The following SUDS3 variants were observed in gnomAD, a reference collection of about 807,000 sequenced individuals.
SUDS3 encodes the protein sin3 histone deacetylase corepressor complex component SDS3.
SUDS3 carries 23 observed loss-of-function variants against 53.5 expected under a neutral mutation model. The ratio of observed to expected loss-of-function variants is 0.43; its 90% CI spans 0.31 to 0.61. The LOEUF is 0.61. Ranked by LOEUF, SUDS3 falls within the 20% of genes least tolerant of loss-of-function variation. The pLI, the probability that SUDS3 is intolerant of heterozygous loss-of-function variation, is 0.10. For missense variants in SUDS3, 291 were observed against 405.9 expected, an observed-to-expected ratio of 0.72 and a Z score of 2.43; for synonymous variants, 150 against 148.5, an observed-to-expected ratio of 1.01 and a Z score of -0.08.
In SUDS3 at chr12:118,409,440, C is replaced by T. The variant is rs7960266; in HGVS notation, c.804-1633C>T. On this transcript the variant is annotated intron_variant, in intron 10 of 11. Transcript: ENST00000543473. ...GATTACAGGCGTGAGCCACCACGCC[C>T]GGCCTAAAATTCTGTTTCTTTTAAC... Among the ~76,000 whole-genome samples, 42 of 152,294 alleles carry T rather than the reference C, an allele frequency of 2.8e-4. No homozygotes were observed. The South Asian group carries it at 3.3e-3, about 12-fold the overall frequency.
At chr12:118,388,330 G>A (rs573268461) in intron 4 of SUDS3, among the ~76,000 whole-genome samples, 3 of 152,294 alleles carry the variant, frequency 2.0e-5, no homozygotes, top group African/African-American at 7.2e-5. Context: ...TATGTGCTTT[G>A]TTCTGGGGAA....
chr12:118,395,219 T>C lies in SUDS3; in HGVS notation c.517+3937T>C, dbSNP rs1023635175. The stretch of plus-strand genomic sequence containing the variant: ...GTGCTGGCATTGTGGAATCAGGGTT[T>C]TTTTTTTTTTTTTTTTTTTTTTTTA... On this transcript the variant is annotated intron_variant, in intron 6 of 11. Coordinates refer to ENST00000543473, the MANE Select transcript of SUDS3 (RefSeq NM_022491.3). Among the ~76,000 whole-genome samples the C allele has an allele frequency of 1.1e-4, 11 of 97,738 alleles. No individual in the cohort carries two copies. The South Asian group carries it at 3.4e-3, about 30-fold the overall frequency. 64.1% of individuals were successfully genotyped at this position (97,738 alleles called of 152,430 possible). A position where few individuals can be genotyped will look rare whatever the true frequency, so the allele number is the denominator to read the frequency against.
chr12:118,389,019 T>G (rs1422423394), intron 4 of SUDS3, among the ~76,000 whole-genome samples: 1 of 152,094 alleles, frequency 6.6e-6, no homozygotes, highest in Non-Finnish European at 1.5e-5. Flanking sequence ...TGTGGTGGTT[T>G]GCGCCTTTAA....
At chr12:118,411,195 T>C (rs762475509) in intron 11 of SUDS3, 38 bp downstream of exon 11, 1 of 1,546,452 alleles carries the variant, frequency 6.5e-7, no homozygotes, top group Non-Finnish European at 8.8e-7. Flanking sequence ...GGAAGCAAAA[T>C]GTGTACTGCG....
chr12:118,391,506 C>T (rs1018014281), intron 6 of SUDS3, among the ~76,000 whole-genome samples: 4 of 152,324 alleles, frequency 2.6e-5, no homozygotes, highest in African/African-American at 4.8e-5. Flanking sequence ...ATCATACCCT[C>T]TCACAGGATT....
rs762890494 is a variant in SUDS3, at chr12:118,380,196, G to A, written c.177G>A (p.Lys59=). 1.2e-6 allele frequency: 2 copies of A among 1,609,168 alleles called. No homozygotes were observed. Among genetic ancestry groups the A allele is most frequent in the South Asian group, 1.1e-5 (1 of 89,670 alleles). Residue 59 remains lysine (K), a synonymous_variant, in exon 2 of 12, where the codon AAG becomes AAA. Coordinates refer to ENST00000543473, the MANE Select transcript of SUDS3 (RefSeq NM_022491.3). ...ATGCTAGTGAAACTGACCTGGCAAAGCATGATGAAGAAGACTATGTAGAAA... is the reference window on the plus strand; with the variant it reads ...ATGCTAGTGAAACTGACCTGGCAAAACATGATGAAGAAGACTATGTAGAAA... ...TEDASETDLA[K]HDEEDYVEMK...
chr12:118,409,300 C>G (rs2046337218), intron 10 of SUDS3, among the ~76,000 whole-genome samples: 2 of 152,054 alleles, frequency 1.3e-5, no homozygotes, highest in Non-Finnish European at 2.9e-5. Flanking sequence ...GAGCCTGCCA[C>G]CACTCCCGGC....
chr12:118,384,106 T>C, intron 3 of SUDS3, 39 bp downstream of exon 3: 1 of 1,589,080 alleles, frequency 6.3e-7, no homozygotes, highest in Non-Finnish European at 8.6e-7. Flanking sequence ...TAAATATGCT[T>C]CTTAATATTA....
At chr12:118,404,794 A>G (rs1220663842) in intron 10 of SUDS3, among the ~76,000 whole-genome samples, 1 of 152,220 alleles carries the variant, frequency 6.6e-6, no homozygotes, top group Non-Finnish European at 1.5e-5. Context: ...TTCAGTATCT[A>G]ACCAAAAGTT....
rs768874158 is a variant in SUDS3, at chr12:118,380,247, C to T, written c.212+16C>T. 6.3e-7 allele frequency: 1 copy of T among 1,591,516 alleles called. No individual in the cohort carries two copies. The highest frequency in any genetic ancestry group is 1.7e-4 in the Middle Eastern group (1 of 6,030). ...TGAAGGAACAGTGAGTATGATATGC[C>T]TATGTCTTTTTGGAACATAGAATTG... is the stretch of plus-strand genomic sequence containing the variant. On this transcript the variant is annotated intron_variant, in intron 2 of 11. Transcript: ENST00000543473.
At chr12:118,377,066 G>A (rs1252824478) in intron 1 of SUDS3, among the ~76,000 whole-genome samples, 1 of 152,068 alleles carries the variant, frequency 6.6e-6, no homozygotes, top group Non-Finnish European at 1.5e-5. Context: ...ATGTTGTCAC[G>A]CTGGGGGTCC....
Position 118,411,099 on chromosome 12 carries a change from T to G in SUDS3, c.830T>G (p.Leu277Arg). ...TACCACAAGAGCCAGGCCATCTATC[T>G]GGAGTCAAAGGACAACCAGAAACTG... ...RWYHKSQAIY[L>R]ESKDNQKLSC... Residue 277 changes from leucine (L) to arginine (R), a missense_variant, in exon 11 of 12, where the codon CTG becomes CGG. This residue lies in a region of SUDS3 where 77 missense variants were observed against 87.1 expected (regional missense o/e 0.88). Transcript: ENST00000543473. 1 of 1,606,158 alleles carries G rather than the reference T, an allele frequency of 6.2e-7. No homozygotes were observed. The highest frequency in any genetic ancestry group is 1.7e-5 in the Admixed American group (1 of 59,014).
intron 10 of SUDS3, among the ~76,000 whole-genome samples, chr12:118,405,058 G>A (rs1413194692): frequency 6.6e-6 from 1 of 152,194 alleles, no homozygotes; most frequent in African/African-American, 2.4e-5. Flanking sequence ...CTTCAGAAAG[G>A]TCGGTTTGTG....
At chr12:118,403,338 A>G (rs974138020) in intron 9 of SUDS3, 74 bp from the exon 10 acceptor site, 9 of 1,149,612 alleles carry the variant, frequency 7.8e-6, no homozygotes, top group Middle Eastern at 2.5e-4. Flanking sequence ...TAGTGTTTCA[A>G]TTAAAGCATG....
At chr12:118,382,525 C>T (rs2046075567) in intron 2 of SUDS3, among the ~76,000 whole-genome samples, 1 of 151,586 alleles carries the variant, frequency 6.6e-6, no homozygotes, top group Non-Finnish European at 1.5e-5. Flanking sequence ...GCCACCACGC[C>T]CAGCTGATTT....
At chr12:118,393,656 T>G (rs1228812045) in intron 6 of SUDS3, among the ~76,000 whole-genome samples, 1 of 151,118 alleles carries the variant, frequency 6.6e-6, no homozygotes, top group African/African-American at 2.4e-5. Flanking sequence ...CATTTCTTTC[T>G]TTCTTTTTTT....
intron 6 of SUDS3, among the ~76,000 whole-genome samples, chr12:118,399,772 C>G (rs545953391): frequency 6.6e-6 from 1 of 152,106 alleles, no homozygotes; most frequent in South Asian, 2.1e-4. Flanking sequence ...CCCTGAGATA[C>G]AGGAAAAGAA....
chr12:118,405,876 T>C (rs528201410), intron 10 of SUDS3, among the ~76,000 whole-genome samples: 1 of 152,306 alleles, frequency 6.6e-6, no homozygotes, highest in Admixed American at 6.5e-5. Flanking sequence ...GTCAGCTACA[T>C]TGCTTTATGC....
In SUDS3 at chr12:118,400,650, T is replaced by A; in HGVS notation, c.518-9T>A. The stretch of plus-strand genomic sequence containing the variant: ...TTGGATAGATTTACCCATTCCATTC[T>A]TGCCACAGATTCTATGGAGGTGAAA... On this transcript the variant is annotated splice_polypyrimidine_tract_variant and intron_variant, in intron 6 of 11. Transcript: ENST00000543473. 1 of 1,613,708 alleles carries A rather than the reference T, an allele frequency of 6.2e-7. No individual in the cohort carries two copies.
Sources: allele counts gnomAD v4.1 joint callset (sites outside exome capture counted in the v4.1 genomes callset), GRCh38; gene constraint gnomAD v4.1.1; regional missense constraint gnomAD v4.1.1; transcripts MANE v1.5; gene names NCBI Gene and HGNC (gene_info 2026-07-23, HGNC 2026-07-21).